Variants in BCR observed in about 807,000 individuals in gnomAD.
The protein encoded by BCR is breakpoint cluster region protein.
In BCR, 58 loss-of-function variants were observed where a neutral mutation model predicts 138.6. The observed-to-expected ratio is 0.42, with a 90% CI of 0.34 to 0.52. The LOEUF is 0.52. Among genes scored for constraint, BCR ranks in the 20% least tolerant of loss-of-function variants. The pLI is 0.06. For missense variants in BCR, 1,599 were observed against 1,727.2 expected (o/e 0.93, Z 1.32); for synonymous variants, 786 against 730.1 (o/e 1.08, Z -1.23).
chr22:23,249,577 C>G (rs1049149394), intron 1 of BCR, among the ~76,000 whole-genome samples: 1 of 152,032 alleles, frequency 6.6e-6, no homozygotes, highest in Non-Finnish European at 1.5e-5. Context: ...ACAGAAAGAT[C>G]ATGTCGCTGA....
Position 23,273,651 on chromosome 22 carries a change from T to G in BCR, c.1992T>G (p.Thr664=). The change falls in exon 8 of 23, where the codon ACT becomes ACG. Residue 664 remains threonine, a synonymous_variant. Coordinates refer to ENST00000305877, the MANE Select transcript of BCR (RefSeq NM_004327.4). ...TGGGGCAGGACTTGCTGAAGCACAC[T>G]CCTGCCAGCCACCCTGACCACCCCT... ...TLVLHDLLKH[T]PASHPDHPLL... is the part of the protein sequence containing the mutation. The G allele has an allele frequency of 6.2e-7, 1 of 1,613,860 alleles. No homozygotes were observed. The highest frequency in any genetic ancestry group is 8.5e-7 in the Non-Finnish European group (1 of 1,179,982).
At chr22:23,252,483 T>C (rs539823797) in intron 1 of BCR, among the ~76,000 whole-genome samples, 1 of 140,514 alleles carries the variant, frequency 7.1e-6, no homozygotes, top group East Asian at 2.1e-4. Context: ...TAGGCTGGAG[T>C]GCAGTGGTGC....
In BCR at chr22:23,309,503, T is replaced by C; in HGVS notation, c.3072+20T>C. ...AATGGGGTACGTGTCCGTGGGACTC[T>C]CCTGGTGCCCACTTCCCCCAGAAGG... On this transcript the variant is annotated intron_variant, in intron 17 of 22. Transcript: ENST00000305877. 6.3e-7 allele frequency: 1 copy of C among 1,579,240 alleles called. No homozygotes were observed. Among genetic ancestry groups the C allele is most frequent in the East Asian group, 2.3e-5 (1 of 43,434 alleles).
At chr22:23,308,332 G>A (rs1292721719) in intron 16 of BCR, among the ~76,000 whole-genome samples, 1 of 152,136 alleles carries the variant, frequency 6.6e-6, no homozygotes, top group Admixed American at 6.5e-5. Context: ...TTGAGACGAA[G>A]TCTTGCTGTG....
intron 12 of BCR, 29 bp downstream of exon 12, chr22:23,288,201 G>T: frequency 6.2e-7 from 1 of 1,604,224 alleles, no homozygotes; most frequent in Non-Finnish European, 8.5e-7. Flanking sequence ...GAGAGGGGCT[G>T]GGCTTCAAAC....
Position 23,228,836 on chromosome 22 carries a change from G to A in BCR, c.1280-24963G>A, listed in dbSNP as rs913687277. Among the ~76,000 whole-genome samples the A allele has an allele frequency of 3.9e-5, 6 of 151,912 alleles. No individual in the cohort carries two copies. In the East Asian group the frequency reaches 9.6e-4, roughly 24 times the overall value. ...TTTTATTATGATATGTCTGGCTGTAGTTTTCTTTCTTTATCCTGTTTGGGG... is the reference window on the plus strand; with the variant it reads ...TTTTATTATGATATGTCTGGCTGTAATTTTCTTTCTTTATCCTGTTTGGGG... On this transcript the variant is annotated intron_variant, in intron 1 of 22. Transcript: ENST00000305877.
chr22:23,218,149 C>G (rs2146227694), intron 1 of BCR, among the ~76,000 whole-genome samples: 1 of 152,324 alleles, frequency 6.6e-6, no homozygotes, highest in East Asian at 1.9e-4. Flanking sequence ...CCAGTGCTGT[C>G]CCTTTGGTGT....
chr22:23,233,443 G>T (rs1343023946), intron 1 of BCR, among the ~76,000 whole-genome samples: 1 of 152,180 alleles, frequency 6.6e-6, no homozygotes, highest in Non-Finnish European at 1.5e-5. Context: ...TGTGTAAAAT[G>T]CCTGGCTCTG....
rs182666135 is a variant in BCR, at chr22:23,299,503, A to G, written c.3012+4348A>G. ...GGCCTTACCTGACCATACCTCCCCC[A>G]ACTCCCATCACGTCCCCCGTGACGT... On this transcript the variant is annotated intron_variant, in intron 16 of 22. Transcript: ENST00000305877. 2.0e-3 allele frequency among the ~76,000 whole-genome samples: 304 copies of G among 151,774 alleles called. 3 individuals are homozygous for G. The highest frequency in any genetic ancestry group is 7.2e-3 in the African/African-American group (296 of 41,340).
intron 14 of BCR, among the ~76,000 whole-genome samples, chr22:23,292,163 C>G (rs1050584787): frequency 2.6e-5 from 4 of 152,200 alleles, no homozygotes; most frequent in African/African-American, 9.6e-5. Context: ...TCCCACATCC[C>G]CCAGGATGGC....
intron 8 of BCR, among the ~76,000 whole-genome samples, chr22:23,281,606 G>T (rs1347275276): frequency 2.6e-5 from 4 of 152,094 alleles, no homozygotes; most frequent in Non-Finnish European, 5.9e-5. Flanking sequence ...TGCAGAGCGG[G>T]GCCTGAGATG....
intron 1 of BCR, among the ~76,000 whole-genome samples, chr22:23,230,052 C>CCTTT (rs1555877033): frequency 2.1e-5 from 3 of 145,944 alleles, no homozygotes; most frequent in African/African-American, 7.6e-5. Flanking sequence ...CTGTTTGGTT[C>CCTTT]TTTTTTTTTT....
At chr22:23,248,086 G>T (rs1253990944) in intron 1 of BCR, among the ~76,000 whole-genome samples, 1 of 152,184 alleles carries the variant, frequency 6.6e-6, no homozygotes, top group Non-Finnish European at 1.5e-5. Flanking sequence ...GCTCACGCTT[G>T]TAATCCCAGC....
chr22:23,282,192 T>C (rs1387210088), intron 8 of BCR, among the ~76,000 whole-genome samples: 5 of 152,266 alleles, frequency 3.3e-5, no homozygotes, highest in Non-Finnish European at 7.3e-5. Context: ...TACCCAGATC[T>C]GGTCCCCACT....
At chr22:23,290,488 G>A in intron 14 of BCR, 75 bp downstream of exon 14, 1 of 1,453,496 alleles carries the variant, frequency 6.9e-7, no homozygotes, top group Non-Finnish European at 9.7e-7. Context: ...CATCGGGCAG[G>A]GTGTGGGGAA....
At chr22:23,297,315 A>G (rs564036645) in intron 16 of BCR, among the ~76,000 whole-genome samples, 55 of 149,984 alleles carry the variant, frequency 3.7e-4, no homozygotes, top group African/African-American at 1.3e-3. Context: ...TCCCGGGTTC[A>G]AGCGATTCTC....
At chr22:23,198,062 G>A (rs79579299) in intron 1 of BCR, among the ~76,000 whole-genome samples, 5,684 of 152,200 alleles carry the variant, frequency 0.037, 386 homozygotes, top group African/African-American at 0.13. Flanking sequence ...GGGAGGTCAC[G>A]TGAGAGAAAG....
chr22:23,208,324 C>T (rs546838096), intron 1 of BCR, among the ~76,000 whole-genome samples: 26 of 152,166 alleles, frequency 1.7e-4, no homozygotes, highest in Admixed American at 1.3e-3. Context: ...CTGTCTGGTG[C>T]GGGTTGAAGT....
chr22:23,223,578 G>A (rs1379610547), intron 1 of BCR, among the ~76,000 whole-genome samples: 1 of 152,134 alleles, frequency 6.6e-6, no homozygotes, highest in Non-Finnish European at 1.5e-5. Flanking sequence ...TATTCTGGCT[G>A]GCTGAGCCCT....
Sources: allele counts gnomAD v4.1 joint callset (sites outside exome capture counted in the v4.1 genomes callset), GRCh38; gene constraint gnomAD v4.1.1; transcripts MANE v1.5; gene names NCBI Gene and HGNC (gene_info 2026-07-23, HGNC 2026-07-21).